Variants in CCDC171 observed in about 807,000 individuals in gnomAD.
CCDC171 encodes the protein coiled-coil domain containing 171, also known as coiled-coil domain-containing protein 171.
Under a neutral mutation model 168.2 loss-of-function variants are expected in CCDC171, and 177 were observed. The ratio of observed to expected loss-of-function variants is 1.05; its 90% CI spans 0.93 to 1.19. The LOEUF (loss-of-function observed/expected upper bound fraction) is 1.19, where lower values mean the gene tolerates loss of function less well. Among genes scored for constraint, CCDC171 ranks in the 50% most tolerant of loss-of-function variants. CCDC171 has a pLI of 0.00. For missense variants in CCDC171, 1,991 were observed against 1,539.0 expected, an observed-to-expected ratio of 1.29 and a Z score of -4.91; for synonymous variants, 687 against 540.8, an observed-to-expected ratio of 1.27 and a Z score of -3.75.
At position 15,623,502 on chromosome 9, in the gene CCDC171, CACACAT is replaced by C. The variant is rs2044743620; in HGVS notation, c.822+91_822+96del. ...ACACACACACACACACACACACACA[CACACAT>C]AAAACCCATTCCGTGATTTAAGATT... On this transcript the variant is annotated intron_variant, in intron 7 of 25. Coordinates refer to ENST00000380701, the MANE Select transcript of CCDC171 (RefSeq NM_173550.4). 8 of 693,524 alleles carry C rather than the reference CACACAT, an allele frequency of 1.2e-5. No individual in the cohort carries two copies. In the South Asian group the frequency reaches 2.6e-4, roughly 22 times the overall value. The allele number at this position is 693,524 out of a possible 1,614,324, so 43.0% of individuals were successfully genotyped here.
chr9:16,069,448 C>T, the CCDC171 span, among the ~76,000 whole-genome samples: 5 of 152,144 alleles, frequency 3.3e-5, no homozygotes, highest in African/African-American at 7.2e-5. Context: ...TGCGTGGAGA[C>T]CATATGCACG....
At chr9:15,663,137 C>T (rs571457068) in intron 8 of CCDC171, among the ~76,000 whole-genome samples, 38 of 152,294 alleles carry the variant, frequency 2.5e-4, no homozygotes, top group South Asian at 6.2e-4. Context: ...TTTAGTAATA[C>T]GCCCAAAGTC....
At chr9:15,694,314 A>G (rs904229683) in intron 10 of CCDC171, among the ~76,000 whole-genome samples, 1 of 152,114 alleles carries the variant, frequency 6.6e-6, no homozygotes, top group African/African-American at 2.4e-5. Context: ...ATTTACACCA[A>G]TTATATTCAG....
At chr9:15,575,676 G>T (rs1316495880) in intron 3 of CCDC171, among the ~76,000 whole-genome samples, 2 of 152,162 alleles carry the variant, frequency 1.3e-5, no homozygotes, top group Admixed American at 6.5e-5. Flanking sequence ...CTGATATTAA[G>T]CATTTCCTTC....
chr9:15,569,848 A>AAC (rs1389032551), intron 2 of CCDC171, among the ~76,000 whole-genome samples: 4 of 137,722 alleles, frequency 2.9e-5, no homozygotes, highest in African/African-American at 1.3e-4. Flanking sequence ...CAAACAAACA[A>AAC]AAAAAAAATT....
Position 15,678,757 on chromosome 9 carries a change from G to T in CCDC171, c.1077-1G>T, listed in dbSNP as rs766740699. 2 of 1,578,104 alleles carry T rather than the reference G, an allele frequency of 1.3e-6. No homozygotes were observed. Among genetic ancestry groups the T allele is most frequent in the Non-Finnish European group, 1.7e-6 (2 of 1,170,012 alleles). Reference sequence around the variant, plus strand: ...CCTGCTCTGACACTTTAACTTTTCAGATTAGAAAAAGAGTATTTCTCCAAA... The same window carrying T: ...CCTGCTCTGACACTTTAACTTTTCATATTAGAAAAAGAGTATTTCTCCAAA... On this transcript the variant is annotated splice_acceptor_variant, in intron 9 of 25. Transcript: ENST00000380701. LOFTEE classifies it high-confidence loss of function.
At chr9:15,631,586 G>C (rs950489869) in intron 7 of CCDC171, among the ~76,000 whole-genome samples, 1 of 152,182 alleles carries the variant, frequency 6.6e-6, no homozygotes, top group Non-Finnish European at 1.5e-5. Flanking sequence ...AATTCTATCA[G>C]AGGTACAAGG....
At chr9:16,030,712 C>T (rs553607484) in intron 6 of CCDC171, among the ~76,000 whole-genome samples, 2 of 152,264 alleles carry the variant, frequency 1.3e-5, no homozygotes, top group South Asian at 4.1e-4. Context: ...ATGCAGAGGA[C>T]CTGACTCATT....
rs555414520 is a variant in CCDC171, at chr9:16,018,176, G to T, written n.369-2413G>T. On this transcript the variant is annotated intron_variant and non_coding_transcript_variant, in intron 3 of 9. Transcript: ENST00000486641. ...ATCCACCCATGTGTTTGTGATGCTTGTTAGCCTATTAGATGAATTGTCAAT... is the reference window on the plus strand; with the variant it reads ...ATCCACCCATGTGTTTGTGATGCTTTTTAGCCTATTAGATGAATTGTCAAT... 2.6e-5 allele frequency among the ~76,000 whole-genome samples: 4 copies of T among 152,244 alleles called. 1 individual carries two copies. In the South Asian group the frequency reaches 8.3e-4, roughly 32 times the overall value.
intron 1 of CCDC171, among the ~76,000 whole-genome samples, chr9:16,047,719 A>C (rs952094383): frequency 3.9e-5 from 6 of 152,230 alleles, no homozygotes; most frequent in Admixed American, 6.5e-5. Flanking sequence ...TGGGTAAATG[A>C]CTAATCCTCT....
chr9:15,702,193 C>G (rs1261551723), intron 11 of CCDC171, among the ~76,000 whole-genome samples: 1 of 152,110 alleles, frequency 6.6e-6, no homozygotes, highest in Admixed American at 6.5e-5. Context: ...TTCAGTTAAA[C>G]ATTCTGTAAA....
At position 15,727,868 on chromosome 9, in the gene CCDC171, G is replaced by T; in HGVS notation, c.1693-1G>T. On this transcript the variant is annotated splice_acceptor_variant, in intron 14 of 25. Coordinates refer to ENST00000380701, the MANE Select transcript of CCDC171 (RefSeq NM_173550.4). LOFTEE classifies it high-confidence loss of function. ...TAATTTTTCTTTTTTTTTTCCTGCAGGAGAAGCTAACCTTCCTTCACACCT... is the reference window on the plus strand; with the variant it reads ...TAATTTTTCTTTTTTTTTTCCTGCATGAGAAGCTAACCTTCCTTCACACCT... 1 of 1,591,804 alleles carries T rather than the reference G, an allele frequency of 6.3e-7. No homozygotes were observed. Among genetic ancestry groups the T allele is most frequent in the Non-Finnish European group, 8.5e-7 (1 of 1,171,608 alleles).
chr9:15,791,465 A>C (rs1345387648), intron 21 of CCDC171, among the ~76,000 whole-genome samples: 2 of 152,136 alleles, frequency 1.3e-5, no homozygotes, highest in African/African-American at 2.4e-5. Flanking sequence ...GACTTTGCTG[A>C]AGTTGCTTAT....
intron 25 of CCDC171, among the ~76,000 whole-genome samples, chr9:15,938,164 G>A (rs371323782): frequency 9.9e-5 from 15 of 151,900 alleles, no homozygotes; most frequent in African/African-American, 3.4e-4. Context: ...TGCAGATGAG[G>A]AATCTCAGTC....
chr9:15,801,350 T>A (rs559826874), intron 21 of CCDC171, among the ~76,000 whole-genome samples: 2 of 152,224 alleles, frequency 1.3e-5, no homozygotes, highest in Admixed American at 6.6e-5. Context: ...AGTTAATTCC[T>A]AGGCATTTTA....
rs1486483725 is a variant in CCDC171 at position 15,697,580 on chromosome 9, T to G, written c.1318+2243T>G. ...GGTTTTTGTTACATAAGCAAAAAAG[T>G]GAGTCACGAGTTTTTCGGCTTCCCA... On this transcript the variant is annotated intron_variant, in intron 11 of 25. Transcript: ENST00000380701. Among the ~76,000 whole-genome samples, 3 of 152,200 alleles carry G rather than the reference T, an allele frequency of 2.0e-5. 1 individual carries two copies. Among genetic ancestry groups the G allele is most frequent in the Non-Finnish European group, 4.4e-5 (3 of 68,028 alleles).
chr9:15,741,608 T>A (rs1182576218), intron 16 of CCDC171, among the ~76,000 whole-genome samples: 2 of 152,248 alleles, frequency 1.3e-5, no homozygotes, highest in African/African-American at 2.4e-5. Flanking sequence ...TTGATTTTTT[T>A]GTATGTTAAT....
intron 7 of CCDC171, among the ~76,000 whole-genome samples, chr9:15,637,613 TC>T (rs1403676117): frequency 1.1e-5 from 1 of 88,954 alleles, no homozygotes; most frequent in African/African-American, 4.4e-5. Flanking sequence ...ATGCTATCCC[TC>T]CCCCCTCCCC....
intron 16 of CCDC171, among the ~76,000 whole-genome samples, chr9:15,737,606 G>T (rs1212406909): frequency 6.6e-6 from 1 of 152,232 alleles, no homozygotes; most frequent in East Asian, 1.9e-4. Flanking sequence ...CCGATAAAAA[G>T]AACTCTGTTC....
Sources: allele counts gnomAD v4.1 joint callset (sites outside exome capture counted in the v4.1 genomes callset), GRCh38; gene constraint gnomAD v4.1.1; transcripts MANE v1.5; gene names NCBI Gene and HGNC (gene_info 2026-07-23, HGNC 2026-07-21).